TAF4: variants seen among roughly 807,000 people sequenced by gnomAD.
TAF4 encodes transcription initiation factor TFIID subunit 4.
A neutral mutation model predicts 90.3 loss-of-function variants in TAF4; 9 were observed. The observed-to-expected ratio is 0.10, with a 90% CI of 0.06 to 0.17. The LOEUF (loss-of-function observed/expected upper bound fraction) is 0.17, where lower values mean the gene tolerates loss of function less well. Among genes scored for constraint, TAF4 ranks in the 10% least tolerant of loss-of-function variants. The probability of loss-of-function intolerance (pLI) is 1.00; values close to 1 mark genes in which losing one functional copy is unlikely to be tolerated. For missense variants in TAF4, 1,351 were observed against 1,370.7 expected (o/e 0.99, Z 0.23); for synonymous variants, 818 against 638.9 (o/e 1.28, Z -4.23).
Position 62,030,506 on chromosome 20 carries a change from T to C in TAF4, c.1361-15799A>G, listed in dbSNP as rs537703491. The stretch of plus-strand genomic sequence containing the variant: ...CCCAGCAGTGCCCATTTCGGCTTTT[T>C]CTTAACTGTCACACCCCACTGCGGC... On this transcript the variant is annotated intron_variant, in intron 1 of 14. Coordinates refer to ENST00000252996, the MANE Select transcript of TAF4 (RefSeq NM_003185.4). 3.3e-5 allele frequency among the ~76,000 whole-genome samples: 5 copies of C among 152,358 alleles called. No homozygotes were observed. The East Asian group carries it at 7.7e-4, about 24-fold the overall frequency.
chr20:61,988,443 C>G (rs758886692), intron 14 of TAF4, among the ~76,000 whole-genome samples: 13 of 152,130 alleles, frequency 8.5e-5, no homozygotes, highest in Non-Finnish European at 1.6e-4. Context: ...GTATCATACC[C>G]ACGTTTAACA....
chr20:62,065,208 G>T lies in TAF4; in HGVS notation c.603C>A (p.Ser201Arg). ...CGTGGTGCGAGTTCAGCAGCGCGGC[G>T]CTCCCATTCAAAGTTTGCGCGGCGC... is the stretch of plus-strand genomic sequence containing the variant. ...GPGAAQTLNG[S>R]AALLNSHHAA... The change falls in exon 1 of 15, where the codon AGC becomes AGA. Residue 201 changes from serine to arginine, a missense_variant. Physicochemically the swap from Ser to Arg is moderately radical, Grantham distance 110 (BLOSUM62 -1). This residue lies in a region of TAF4 where 782 missense variants were observed against 536.6 expected (regional missense o/e 1.46). Transcript: ENST00000252996. 1 of 1,180,984 alleles carries T rather than the reference G, an allele frequency of 8.5e-7. No homozygotes were observed. The highest frequency in any genetic ancestry group is 1.1e-6 in the Non-Finnish European group (1 of 932,368). 73.2% of individuals were successfully genotyped at this position (1,180,984 alleles called of 1,614,324 possible). A position where few individuals can be genotyped will look rare whatever the true frequency, so the allele number is the denominator to read the frequency against.
Position 62,009,080 on chromosome 20 carries a change from T to C in TAF4, c.1856A>G (p.Asn619Ser). Residue 619 changes from asparagine to serine, a missense_variant, in exon 5 of 15, where the codon AAT (asparagine) becomes AGT (serine). Asn to Ser is a conservative substitution (Grantham distance 46). This residue lies in a region of TAF4 where 44 missense variants were observed against 97.4 expected (regional missense o/e 0.45). Coordinates refer to ENST00000252996, the MANE Select transcript of TAF4 (RefSeq NM_003185.4). ...TAAATTCTGCACGAGCTCTTTCACA[T>C]TAGCTGCTGTCTCTGTAGACTGCTT... ...SGKQSTETAA[N>S]VKELVQNLLD... 1 of 1,613,270 alleles carries C rather than the reference T, an allele frequency of 6.2e-7. No homozygotes were observed. The highest frequency in any genetic ancestry group is 2.2e-5 in the East Asian group (1 of 44,888).
chr20:62,060,220 T>C (rs2056082127), intron 1 of TAF4, among the ~76,000 whole-genome samples: 1 of 152,230 alleles, frequency 6.6e-6, no homozygotes, highest in Admixed American at 6.5e-5. Context: ...GGGGCCTGCC[T>C]CAGGTCCATT....
intron 14 of TAF4, among the ~76,000 whole-genome samples, 161 bp from the exon 15 acceptor site, chr20:61,976,496 G>A (rs1300844201): frequency 6.6e-6 from 1 of 152,236 alleles, no homozygotes; most frequent in Non-Finnish European, 1.5e-5. Flanking sequence ...GCTGTCCAGG[G>A]CCCTGCCAGG....
At chr20:61,992,771 T>C (rs1279195223) in intron 14 of TAF4, among the ~76,000 whole-genome samples, 1 of 152,206 alleles carries the variant, frequency 6.6e-6, no homozygotes, top group East Asian at 1.9e-4. Context: ...AGGTGTAAGG[T>C]GAGCCTGACA....
At chr20:62,032,721 C>T (rs149287818) in intron 1 of TAF4, among the ~76,000 whole-genome samples, 2 of 152,332 alleles carry the variant, frequency 1.3e-5, no homozygotes, top group African/African-American at 4.8e-5. Context: ...TTCTCCAGAA[C>T]CCAACTTTCA....
rs2056121139 is a variant in TAF4 at position 62,065,245 on chromosome 20, G to A, written c.566C>T (p.Pro189Leu). The change falls in exon 1 of 15, where the codon CCC becomes CTC. Residue 189 changes from proline to leucine, a missense_variant. Pro to Leu is a moderately conservative substitution (Grantham distance 98). Transcript: ENST00000252996. ...AGTTTGCGCGGCGCCGGGGCCGGCG[G>A]GCTTGCCAGGGCCAGGGCCGGGGCC... ...GPGPGPGPGK[P>L]AGPGAAQTLN... 3.9e-6 allele frequency: 4 copies of A among 1,035,162 alleles called. No homozygotes were observed. Among genetic ancestry groups the A allele is most frequent in the African/African-American group, 2.2e-5 (1 of 44,606 alleles). 64.1% of individuals were successfully genotyped at this position (1,035,162 alleles called of 1,614,324 possible).
At chr20:61,996,414 G>A (rs910992984) in intron 14 of TAF4, among the ~76,000 whole-genome samples, 1 of 151,692 alleles carries the variant, frequency 6.6e-6, no homozygotes, top group Non-Finnish European at 1.5e-5. Flanking sequence ...ATTACAGCAG[G>A]ACATCAGAAG....
chr20:61,993,889 A>ACT (rs2055647111), intron 14 of TAF4, among the ~76,000 whole-genome samples: 1 of 152,124 alleles, frequency 6.6e-6, no homozygotes, highest in African/African-American at 2.4e-5. Flanking sequence ...AGTAGCTGGA[A>ACT]ATACAGGTGC....
intron 1 of TAF4, among the ~76,000 whole-genome samples, chr20:62,059,739 G>A (rs767100301): frequency 1.3e-5 from 2 of 152,240 alleles, no homozygotes; most frequent in Non-Finnish European, 2.9e-5. Context: ...AGGGCTTGGA[G>A]GTTCCTACTG....
chr20:62,039,793 C>A (rs1251502454), intron 1 of TAF4, among the ~76,000 whole-genome samples: 1 of 152,052 alleles, frequency 6.6e-6, no homozygotes, highest in Non-Finnish European at 1.5e-5. Context: ...CTTACTAAAT[C>A]AATAATGACA....
At chr20:62,051,067 G>C (rs1380182482) in intron 1 of TAF4, among the ~76,000 whole-genome samples, 2 of 152,212 alleles carry the variant, frequency 1.3e-5, no homozygotes, top group African/African-American at 4.8e-5. Context: ...GGTTCAGAAA[G>C]GGAGGAAATC....
At chr20:61,988,416 A>G (rs2123107533) in intron 14 of TAF4, among the ~76,000 whole-genome samples, 1 of 152,322 alleles carries the variant, frequency 6.6e-6, no homozygotes, top group South Asian at 2.1e-4. Context: ...AAAATCAAAT[A>G]AGGTCTTCAA....
chr20:62,004,739 C>A (rs921887385), intron 7 of TAF4: 1 of 152,326 alleles, frequency 6.6e-6, no homozygotes, highest in African/African-American at 2.4e-5. Flanking sequence ...CTGCTCCCAG[C>A]ATGGCCAGCT....
intron 1 of TAF4, among the ~76,000 whole-genome samples, chr20:62,027,905 C>A (rs2055883515): frequency 6.6e-6 from 1 of 152,236 alleles, no homozygotes; most frequent in Non-Finnish European, 1.5e-5. Context: ...CCTCTCAGTT[C>A]CCTGCTGGGT....
chr20:62,055,948 T>C, intron 1 of TAF4, among the ~76,000 whole-genome samples: 1 of 152,132 alleles, frequency 6.6e-6, no homozygotes, highest in Non-Finnish European at 1.5e-5. Flanking sequence ...CGGAATGTGC[T>C]CATGCAGGCC....
At position 62,022,001 on chromosome 20, in the gene TAF4, G is replaced by T. The variant is rs1190087432; in HGVS notation, c.1361-7294C>A. 2.0e-5 allele frequency among the ~76,000 whole-genome samples: 3 copies of T among 152,272 alleles called. No individual in the cohort carries two copies. The East Asian group carries it at 5.8e-4, about 29-fold the overall frequency. On this transcript the variant is annotated intron_variant, in intron 1 of 14. Coordinates refer to ENST00000252996, the MANE Select transcript of TAF4 (RefSeq NM_003185.4). Reference sequence around the variant, plus strand: ...GGCACACAGCGGCCAGCGGCGGACAGCATCAGAGGCGGAGCGGGCCCTCCA... The same window carrying T: ...GGCACACAGCGGCCAGCGGCGGACATCATCAGAGGCGGAGCGGGCCCTCCA...
At chr20:62,057,516 C>T (rs1244590955) in intron 1 of TAF4, among the ~76,000 whole-genome samples, 1 of 152,240 alleles carries the variant, frequency 6.6e-6, no homozygotes, top group Non-Finnish European at 1.5e-5. Flanking sequence ...TGGCTACGCT[C>T]CTCTCACAAC....
Sources: allele counts gnomAD v4.1 joint callset (sites outside exome capture counted in the v4.1 genomes callset), GRCh38; gene constraint gnomAD v4.1.1; regional missense constraint gnomAD v4.1.1; transcripts MANE v1.5; gene names NCBI Gene and HGNC (gene_info 2026-07-23, HGNC 2026-07-21).